RBFOX1: variants seen among roughly 807,000 people sequenced by gnomAD.
The protein encoded by RBFOX1 is RNA binding fox-1 homolog 1.
Under a neutral mutation model 57.7 loss-of-function variants are expected in RBFOX1, and 8 were observed. The observed-to-expected ratio is 0.14, with a 90% CI of 0.08 to 0.25. RBFOX1 has a LOEUF of 0.25. RBFOX1 is among the 10% of genes least tolerant of loss of function. The pLI is 1.00. For synonymous variants in RBFOX1, 326 were observed against 222.4 expected (o/e 1.47, Z -4.15); for missense variants, 611 against 548.5 (o/e 1.11, Z -1.14).
chr16:7,252,639 G>A (rs1213896889), intron 4 of RBFOX1, among the ~76,000 whole-genome samples: 4 of 151,434 alleles, frequency 2.6e-5, no homozygotes, highest in South Asian at 2.1e-4. Flanking sequence ...CAGTTAACCT[G>A]CTTTACTCAT....
At chr16:5,889,633 A>G (rs2057996782) in intron 4 of RBFOX1, among the ~76,000 whole-genome samples, 2 of 152,242 alleles carry the variant, frequency 1.3e-5, no homozygotes, top group Non-Finnish European at 2.9e-5. Context: ...CAGGACAAGC[A>G]GACTCCACAC....
chr16:7,278,362 G>C (rs144904088), intron 4 of RBFOX1, among the ~76,000 whole-genome samples: 36 of 152,228 alleles, frequency 2.4e-4, no homozygotes, highest in African/African-American at 8.2e-4. Flanking sequence ...ATTTACCCAA[G>C]ATCAAAATAT....
At chr16:5,654,349 G>C (rs1253136509) in intron 3 of RBFOX1, among the ~76,000 whole-genome samples, 1 of 152,198 alleles carries the variant, frequency 6.6e-6, no homozygotes, top group African/African-American at 2.4e-5. Flanking sequence ...AAGCCATTAA[G>C]CTGGAAATGG....
chr16:6,328,813 G>A (rs2082672217), intron 2 of RBFOX1, among the ~76,000 whole-genome samples: 1 of 152,076 alleles, frequency 6.6e-6, no homozygotes, highest in Admixed American at 6.5e-5. Flanking sequence ...AGTATAGCTT[G>A]GGCAGTGATC....
chr16:6,751,865 A>C (rs2074989628), intron 3 of RBFOX1, among the ~76,000 whole-genome samples: 1 of 152,178 alleles, frequency 6.6e-6, no homozygotes, highest in Non-Finnish European at 1.5e-5. Flanking sequence ...TACATAATTG[A>C]ATTTTAGATG....
At chr16:6,734,006 C>G (rs1367480213) in intron 3 of RBFOX1, among the ~76,000 whole-genome samples, 2 of 152,170 alleles carry the variant, frequency 1.3e-5, no homozygotes, top group East Asian at 1.9e-4. Flanking sequence ...TCAGTCCCTG[C>G]CACATCATTA....
chr16:7,519,618 A>G (rs2077093523), intron 5 of RBFOX1: 1 of 828,278 alleles, frequency 1.2e-6, no homozygotes, highest in Admixed American at 6.2e-5. Context: ...CATACCACAA[A>G]ACCTGTATGG....
At chr16:5,687,391 G>A (rs1032592233) in intron 3 of RBFOX1, among the ~76,000 whole-genome samples, 14 of 152,062 alleles carry the variant, frequency 9.2e-5, no homozygotes, top group South Asian at 4.2e-4. Flanking sequence ...CTTTGGGCCC[G>A]TCCTTAAACT....
At chr16:6,206,570 A>G (rs560629389) in intron 1 of RBFOX1, among the ~76,000 whole-genome samples, 2 of 152,276 alleles carry the variant, frequency 1.3e-5, no homozygotes, top group South Asian at 4.1e-4. Context: ...TAAATGTTCA[A>G]TGTTTGTTGA....
At chr16:6,356,782 A>G (rs1263426117) in intron 2 of RBFOX1, among the ~76,000 whole-genome samples, 1 of 152,242 alleles carries the variant, frequency 6.6e-6, no homozygotes, top group Non-Finnish European at 1.5e-5. Flanking sequence ...ATAAGGTGTC[A>G]ATATCGGTTT....
intron 3 of RBFOX1, among the ~76,000 whole-genome samples, chr16:6,855,545 G>T (rs12598658): frequency 7.3e-5 from 11 of 151,026 alleles, no homozygotes; most frequent in South Asian, 2.1e-4. Context: ...CCCAGCTACT[G>T]GGGAGGCTGA....
intron 2 of RBFOX1, among the ~76,000 whole-genome samples, chr16:6,404,068 G>T (rs1368544841): frequency 6.6e-6 from 1 of 152,146 alleles, no homozygotes; most frequent in Non-Finnish European, 1.5e-5. Context: ...AGCCTATACA[G>T]CTGGCTCTCC....
At chr16:6,483,235 G>T in intron 2 of RBFOX1, 1 of 1,232,254 alleles carries the variant, frequency 8.1e-7, no homozygotes. Flanking sequence ...GGGCCCTGGC[G>T]CCGCCGTGGC....
chr16:5,694,333 T>G (rs2050783990), intron 3 of RBFOX1, among the ~76,000 whole-genome samples: 1 of 152,236 alleles, frequency 6.6e-6, no homozygotes, highest in Non-Finnish European at 1.5e-5. Context: ...ATTATAGAGC[T>G]ACTGTGATCC....
At chr16:5,718,007 A>C (rs937336318) in intron 3 of RBFOX1, among the ~76,000 whole-genome samples, 3 of 152,228 alleles carry the variant, frequency 2.0e-5, no homozygotes, top group South Asian at 2.1e-4. Flanking sequence ...TCATGACCTC[A>C]TGATGAGCAG....
At chr16:6,982,264 C>G (rs1417158844) in intron 3 of RBFOX1, among the ~76,000 whole-genome samples, 1 of 152,158 alleles carries the variant, frequency 6.6e-6, no homozygotes, top group Non-Finnish European at 1.5e-5. Flanking sequence ...ATTTGAAAAC[C>G]CTTTTCCAGG....
intron 3 of RBFOX1, among the ~76,000 whole-genome samples, chr16:6,996,408 G>C (rs2092249436): frequency 6.6e-6 from 1 of 151,990 alleles, no homozygotes; most frequent in African/African-American, 2.4e-5. Context: ...TGCATGTATA[G>C]GTATCTGGAT....
At chr16:5,351,784 A>G (rs1454712455) in intron 1 of RBFOX1, among the ~76,000 whole-genome samples, 1 of 152,072 alleles carries the variant, frequency 6.6e-6, no homozygotes, top group East Asian at 1.9e-4. Flanking sequence ...TTGAAGCTTT[A>G]GGCTCTAAGT....
chr16:7,293,992 T>C (rs2141704956), intron 4 of RBFOX1, among the ~76,000 whole-genome samples: 1 of 152,278 alleles, frequency 6.6e-6, no homozygotes. Flanking sequence ...CAACTCATCT[T>C]GTACTTTAAA....
Sources: allele counts gnomAD v4.1 joint callset (sites outside exome capture counted in the v4.1 genomes callset), GRCh38; gene constraint gnomAD v4.1.1; transcripts MANE v1.5; gene names NCBI Gene and HGNC (gene_info 2026-07-23, HGNC 2026-07-21).